Variants in CNTN5 observed in about 807,000 individuals in gnomAD.
CNTN5 encodes the protein contactin-5.
In CNTN5, 77 loss-of-function variants were observed where a neutral mutation model predicts 129.1. The observed-to-expected ratio is 0.60, with a 90% confidence interval of 0.50 to 0.72. The LOEUF (loss-of-function observed/expected upper bound fraction) is 0.72. Ranked by LOEUF, CNTN5 falls within the 30% of genes least tolerant of loss-of-function variation. CNTN5 has a pLI of 0.00. For synonymous variants in CNTN5, 509 were observed against 465.6 expected, an observed-to-expected ratio of 1.09 and a Z score of -1.20; for missense variants, 1,478 against 1,328.8, an observed-to-expected ratio of 1.11 and a Z score of -1.75.
At chr11:99,736,242 C>T (rs948376345) in intron 3 of CNTN5, among the ~76,000 whole-genome samples, 2 of 152,160 alleles carry the variant, frequency 1.3e-5, no homozygotes, top group African/African-American at 4.8e-5. Context: ...TAACAGCAAG[C>T]TTATCTGTGG....
At chr11:99,303,603 T>C (rs1180464575) in intron 1 of CNTN5, among the ~76,000 whole-genome samples, 1 of 151,596 alleles carries the variant, frequency 6.6e-6, no homozygotes, top group Non-Finnish European at 1.5e-5. Context: ...TACATGCTAC[T>C]AAACACTGGC....
intron 13 of CNTN5, among the ~76,000 whole-genome samples, chr11:100,176,627 G>A (rs1947974923): frequency 6.6e-6 from 1 of 152,030 alleles, no homozygotes; most frequent in East Asian, 1.9e-4. Flanking sequence ...GTGATAAATA[G>A]TTAGGAATCT....
At chr11:99,866,756 G>T (rs1304898819) in intron 6 of CNTN5, among the ~76,000 whole-genome samples, 1 of 152,202 alleles carries the variant, frequency 6.6e-6, no homozygotes, top group African/African-American at 2.4e-5. Flanking sequence ...GCTGGCACCT[G>T]CTGGCTTAGC....
chr11:99,031,572 A>C (rs1013489059), intron 1 of CNTN5, among the ~76,000 whole-genome samples: 7 of 152,034 alleles, frequency 4.6e-5, no homozygotes, highest in African/African-American at 1.7e-4. Flanking sequence ...GCTGATAGAA[A>C]GCAATTTTGT....
intron 1 of CNTN5, among the ~76,000 whole-genome samples, chr11:99,045,815 A>T (rs541384776): frequency 8.5e-5 from 13 of 152,318 alleles, no homozygotes; most frequent in African/African-American, 3.1e-4. Context: ...CAAATAACCC[A>T]TTGAAAACCA....
intron 3 of CNTN5, among the ~76,000 whole-genome samples, chr11:99,695,443 G>T (rs1162482377): frequency 6.6e-6 from 1 of 152,074 alleles, no homozygotes; most frequent in Non-Finnish European, 1.5e-5. Context: ...TCAGAGACAT[G>T]GGATACAAGT....
chr11:99,885,703 C>T lies in CNTN5; in HGVS notation c.578-30351C>T, dbSNP rs188026385. On this transcript the variant is annotated intron_variant, in intron 6 of 24. Coordinates refer to ENST00000524871, the MANE Select transcript of CNTN5 (RefSeq NM_014361.4). Reference sequence around the variant, plus strand: ...ATAATAACATTTTTGTAGTTAATAACGTAGATATCTCTAGAAAGTTTGGTG... The same window carrying T: ...ATAATAACATTTTTGTAGTTAATAATGTAGATATCTCTAGAAAGTTTGGTG... Among the ~76,000 whole-genome samples, 408 of 152,048 alleles carry T rather than the reference C, an allele frequency of 2.7e-3. 1 individual carries two copies. The highest frequency in any genetic ancestry group is 2.9e-3 in the Non-Finnish European group (199 of 68,002).
intron 3 of CNTN5, among the ~76,000 whole-genome samples, chr11:99,709,016 G>A (rs1225307886): frequency 6.6e-6 from 1 of 151,748 alleles, no homozygotes; most frequent in Non-Finnish European, 1.5e-5. Flanking sequence ...TTTTCCAAAC[G>A]CAAAGCTGTT....
chr11:100,239,844 C>G (rs1178545743), intron 16 of CNTN5, among the ~76,000 whole-genome samples: 1 of 152,108 alleles, frequency 6.6e-6, no homozygotes, highest in Middle Eastern at 3.2e-3. Context: ...TGTCAGCACT[C>G]TGATTTGGTT....
intron 18 of CNTN5, among the ~76,000 whole-genome samples, chr11:100,295,189 T>A (rs1331609937): frequency 6.6e-6 from 1 of 151,656 alleles, no homozygotes; most frequent in Non-Finnish European, 1.5e-5. Flanking sequence ...AGAAGGATGA[T>A]CTTATTTCTT....
At chr11:99,664,377 T>C (rs1423115825) in intron 3 of CNTN5, among the ~76,000 whole-genome samples, 1 of 152,098 alleles carries the variant, frequency 6.6e-6, no homozygotes, top group Non-Finnish European at 1.5e-5. Context: ...AAGTTGTAGG[T>C]TGTGGTGATT....
intron 1 of CNTN5, among the ~76,000 whole-genome samples, chr11:99,226,237 T>C (rs1286782502): frequency 6.6e-6 from 1 of 152,220 alleles, no homozygotes; most frequent in Non-Finnish European, 1.5e-5. Flanking sequence ...AAATGTGAAA[T>C]GTAAGAGGGT....
At chr11:99,286,536 T>C (rs1047478232) in intron 1 of CNTN5, among the ~76,000 whole-genome samples, 5 of 152,198 alleles carry the variant, frequency 3.3e-5, no homozygotes, top group African/African-American at 1.2e-4. Flanking sequence ...TAAATAAGTC[T>C]AGTTATTTAA....
rs570999359 is a variant in CNTN5 at position 100,243,128 on chromosome 11, C to T, written c.2006-12632C>T. Reference sequence around the variant, plus strand: ...CTCACCCTGTTCTTTGTAGTGTGCACGTGCGTGTGCACACACAGACACACA... The same window carrying T: ...CTCACCCTGTTCTTTGTAGTGTGCATGTGCGTGTGCACACACAGACACACA... On this transcript the variant is annotated intron_variant, in intron 16 of 24. Coordinates refer to ENST00000524871, the MANE Select transcript of CNTN5 (RefSeq NM_014361.4). Among the ~76,000 whole-genome samples, 19 of 152,296 alleles carry T rather than the reference C, an allele frequency of 1.2e-4. 1 individual carries two copies. In the South Asian group the frequency reaches 2.9e-3, roughly 23 times the overall value.
chr11:99,203,918 C>G (rs965467826), intron 1 of CNTN5, among the ~76,000 whole-genome samples: 1 of 152,064 alleles, frequency 6.6e-6, no homozygotes, highest in African/African-American at 2.4e-5. Context: ...TTTCTTAAGG[C>G]AAGTGCCATT....
chr11:99,256,072 A>G (rs918628868), intron 1 of CNTN5, among the ~76,000 whole-genome samples: 28 of 152,168 alleles, frequency 1.8e-4, no homozygotes, highest in Non-Finnish European at 3.4e-4. Flanking sequence ...TACAATTTCT[A>G]TGAAGAACAT....
At chr11:99,226,200 G>T (rs1021650693) in intron 1 of CNTN5, among the ~76,000 whole-genome samples, 63 of 152,144 alleles carry the variant, frequency 4.1e-4, no homozygotes, top group Admixed American at 5.2e-4. Context: ...ATGAATTACA[G>T]TTAATCTATG....
chr11:100,195,202 T>G (rs927006294), intron 15 of CNTN5, among the ~76,000 whole-genome samples: 1 of 151,972 alleles, frequency 6.6e-6, no homozygotes, highest in Non-Finnish European at 1.5e-5. Context: ...GAAAAATATC[T>G]TCTTAGGATT....
At chr11:100,122,575 T>C (rs939076459) in intron 13 of CNTN5, among the ~76,000 whole-genome samples, 7 of 152,018 alleles carry the variant, frequency 4.6e-5, no homozygotes, top group African/African-American at 1.7e-4. Context: ...GATTTGAGCA[T>C]AGATCTGAGT....
Sources: gnomAD v4.1 joint callset for allele counts (sites outside exome capture counted in the v4.1 genomes callset) on GRCh38, gnomAD v4.1.1 for gene constraint, MANE v1.5 for transcripts, NCBI Gene and HGNC (gene_info 2026-07-23, HGNC 2026-07-21) for gene names.